Variants in TIAM1 observed in about 807,000 individuals in gnomAD.
TIAM1 encodes TIAM Rac1 associated GEF 1.
TIAM1 carries 65 observed loss-of-function variants against 163.5 expected under a neutral mutation model. That is an observed-to-expected ratio of 0.40 (90% CI 0.33 to 0.49). The LOEUF is 0.49. TIAM1 is among the 20% of genes least tolerant of loss of function. TIAM1 has a pLI of 0.77. For missense variants in TIAM1, 1,789 were observed against 2,044.7 expected, an observed-to-expected ratio of 0.87 and a Z score of 2.41; for synonymous variants, 833 against 810.1, an observed-to-expected ratio of 1.03 and a Z score of -0.48.
At chr21:31,271,320 A>C (rs577663197) in intron 3 of TIAM1, among the ~76,000 whole-genome samples, 2 of 152,338 alleles carry the variant, frequency 1.3e-5, no homozygotes, top group East Asian at 3.9e-4. Context: ...CTACAATGCA[A>C]CATAGGTGAG....
chr21:31,324,661 T>G (rs2075426498), intron 2 of TIAM1, among the ~76,000 whole-genome samples: 1 of 152,318 alleles, frequency 6.6e-6, no homozygotes, highest in Admixed American at 6.5e-5. Context: ...TTCAGACAGC[T>G]GCCTCTAGCC....
At chr21:31,455,279 C>CAAAAAAAAAAAA (rs59134253) in intron 2 of TIAM1, among the ~76,000 whole-genome samples, 1 of 84,034 alleles carries the variant, frequency 1.2e-5, no homozygotes, top group African/African-American at 4.6e-5. Context: ...AACTCTGCCT[C>CAAAAAAAAAAAA]AAAAAAAAAA....
intron 6 of TIAM1, 120 bp from the exon 7 acceptor site, chr21:31,226,070 T>A (rs2087954530): frequency 1.3e-6 from 1 of 784,184 alleles, no homozygotes; most frequent in Admixed American, 2.8e-5. Flanking sequence ...TAGACACCCA[T>A]GGATAAGAAT....
chr21:31,279,684 T>C (rs2073458596), intron 2 of TIAM1, among the ~76,000 whole-genome samples: 1 of 152,204 alleles, frequency 6.6e-6, no homozygotes. Context: ...TCATCTATGT[T>C]ACAGAATTTG....
upstream of TIAM1, among the ~76,000 whole-genome samples, chr21:31,348,456 C>G (rs1006628280): frequency 6.6e-6 from 1 of 152,248 alleles, no homozygotes; most frequent in South Asian, 2.1e-4. Flanking sequence ...GGGGTGTCAA[C>G]ACCGTCAAAT....
At chr21:31,177,894 G>T (rs1450716415) in intron 15 of TIAM1, among the ~76,000 whole-genome samples, 1 of 152,096 alleles carries the variant, frequency 6.6e-6, no homozygotes, top group Non-Finnish European at 1.5e-5. Flanking sequence ...GGACCCCAAG[G>T]TCCCTGAGAC....
chr21:31,541,861 T>G (rs1409034445), intron 1 of TIAM1, among the ~76,000 whole-genome samples: 1 of 152,168 alleles, frequency 6.6e-6, no homozygotes, highest in African/African-American at 2.4e-5. Flanking sequence ...TTTAAAAGAG[T>G]AAGCTGATCC....
chr21:31,170,884 A>G (rs1403092119), intron 15 of TIAM1, among the ~76,000 whole-genome samples: 3 of 151,722 alleles, frequency 2.0e-5, no homozygotes, highest in Non-Finnish European at 4.4e-5. Context: ...AAAAATACAA[A>G]AATTAGCCGG....
chr21:31,455,616 T>A (rs899290661), intron 2 of TIAM1, among the ~76,000 whole-genome samples: 3 of 152,044 alleles, frequency 2.0e-5, no homozygotes, highest in Admixed American at 2.0e-4. Flanking sequence ...TAATGAAATA[T>A]AGGCCACTGA....
At chr21:31,496,459 C>CAAA (rs58140674) in intron 1 of TIAM1, among the ~76,000 whole-genome samples, 3 of 87,862 alleles carry the variant, frequency 3.4e-5, no homozygotes, top group African/African-American at 4.4e-5. Flanking sequence ...AACTCTGTCT[C>CAAA]AAAAAAAAAA....
chr21:31,179,893 C>T (rs1030788391), intron 15 of TIAM1, among the ~76,000 whole-genome samples: 3 of 150,054 alleles, frequency 2.0e-5, no homozygotes, highest in Non-Finnish European at 4.4e-5. Flanking sequence ...CGTACATATA[C>T]ATACACAGAT....
At chr21:31,456,516 G>A (rs926550846) in intron 2 of TIAM1, among the ~76,000 whole-genome samples, 4 of 152,230 alleles carry the variant, frequency 2.6e-5, no homozygotes, top group African/African-American at 9.6e-5. Flanking sequence ...AAGATAAGAT[G>A]AAAAAGTTGG....
rs187189246 is a variant in TIAM1 at position 31,266,067 on chromosome 21, G to T, written c.906C>A (p.Thr302=). The T allele has an allele frequency of 1.2e-6, 2 of 1,614,180 alleles. No individual in the cohort carries two copies. Among genetic ancestry groups the T allele is most frequent in the African/African-American group, 2.7e-5 (2 of 75,050 alleles). Residue 302 remains threonine (T), a synonymous_variant, in exon 4 of 28, where the codon ACC becomes ACA. Coordinates refer to ENST00000541036, the MANE Select transcript of TIAM1 (RefSeq NM_001353694.2). ...RKSHCLSEGA[T]NPQISHSNSM... Reference sequence around the variant, plus strand: ...TGTTGCTATGGCTAATTTGTGGGTTGGTGGCACCTTCAGAGAGACAGTGAG... The same window carrying T: ...TGTTGCTATGGCTAATTTGTGGGTTTGTGGCACCTTCAGAGAGACAGTGAG...
At chr21:31,466,657 G>C (rs193223481) in intron 1 of TIAM1, among the ~76,000 whole-genome samples, 3 of 152,344 alleles carry the variant, frequency 2.0e-5, no homozygotes, top group Admixed American at 2.0e-4. Context: ...GCAAAGAGCA[G>C]AATCCAGACG....
Position 31,344,138 on chromosome 21 carries a change from C to T in TIAM1, c.-369G>A, listed in dbSNP as rs2076098453. The T allele has an allele frequency of 6.6e-6, 1 of 152,242 alleles. No individual in the cohort carries two copies. The highest frequency in any genetic ancestry group is 2.1e-4 in the South Asian group (1 of 4,824). The allele number at this position is 152,242 out of a possible 1,614,324, so 9.4% of individuals were successfully genotyped here. ...AATCGATTTCAAAATTCAAGCTCAC[C>T]GCTGCTCAACAAGGCGCGCACGTTT... On this transcript the variant is annotated splice_region_variant and 5_prime_UTR_variant, in exon 1 of 28. Transcript: ENST00000541036.
intron 2 of TIAM1, among the ~76,000 whole-genome samples, chr21:31,441,420 G>T (rs1035267142): frequency 6.6e-6 from 1 of 152,184 alleles, no homozygotes; most frequent in Non-Finnish European, 1.5e-5. Context: ...ATGTGAGTGG[G>T]AAAGATGTGT....
intron 3 of TIAM1, among the ~76,000 whole-genome samples, chr21:31,275,936 T>G (rs2073279502): frequency 6.6e-6 from 1 of 152,180 alleles, no homozygotes; most frequent in Admixed American, 6.5e-5. Context: ...ATTTAAAAAC[T>G]TATTAAAATA....
At chr21:31,522,692 T>G (rs753761843) in intron 1 of TIAM1, among the ~76,000 whole-genome samples, 1 of 152,170 alleles carries the variant, frequency 6.6e-6, no homozygotes, top group East Asian at 1.9e-4. Flanking sequence ...CTAACACGAA[T>G]GTTCCACAAC....
intron 2 of TIAM1, chr21:31,452,932 T>C (rs1269254574): frequency 1.9e-6 from 1 of 514,328 alleles, no homozygotes. Context: ...AGAAACAAAG[T>C]GGAAGATGCG....
Sources: gnomAD v4.1 joint callset for allele counts (sites outside exome capture counted in the v4.1 genomes callset) on GRCh38, gnomAD v4.1.1 for gene constraint, MANE v1.5 for transcripts, NCBI Gene and HGNC (gene_info 2026-07-23, HGNC 2026-07-21) for gene names.